The following MREG variants were observed in gnomAD, a reference collection of about 807,000 sequenced individuals.
The protein encoded by MREG is melanoregulin.
In MREG, 31 loss-of-function variants were observed where a neutral mutation model predicts 28.5. The ratio of observed to expected loss-of-function variants is 1.09; its 90% CI spans 0.82 to 1.47. The LOEUF is 1.47. MREG is among the 40% of genes most tolerant of loss of function. The probability of loss-of-function intolerance (pLI) is 0.00; values close to 1 mark genes in which losing one functional copy is unlikely to be tolerated. For synonymous variants in MREG, 106 were observed against 95.2 expected (o/e 1.11, Z -0.66); for missense variants, 256 against 257.4 (o/e 0.99, Z 0.04).
upstream of MREG, among the ~76,000 whole-genome samples, chr2:216,015,356 T>C (rs900190300): frequency 6.6e-6 from 1 of 151,934 alleles, no homozygotes; most frequent in African/African-American, 2.4e-5. Flanking sequence ...GGAGTGAATA[T>C]GGGCAAAACC....
chr2:215,939,352 G>C (rs1249321996), downstream of MREG: 3 of 152,148 alleles, frequency 2.0e-5, no homozygotes, highest in Non-Finnish European at 4.4e-5. Flanking sequence ...CTTGTGACCA[G>C]GTGGCGTGTT....
intron 2 of MREG, among the ~76,000 whole-genome samples, chr2:215,994,080 A>T (rs1693793361): frequency 6.6e-6 from 1 of 152,024 alleles, no homozygotes; most frequent in African/African-American, 2.4e-5. Context: ...CCAAAGGATT[A>T]TAAATCATTC....
At position 215,995,531 on chromosome 2, in the gene MREG, A is replaced by T. The variant is rs1332687934; in HGVS notation, c.255+775T>A. On this transcript the variant is annotated intron_variant, in intron 2 of 4. Transcript: ENST00000263268. Reference sequence around the variant, plus strand: ...CCCACCCCCCGCCACCAATATACACACTAAACCCAACTATAAGTTTCCCTA... The same window carrying T: ...CCCACCCCCCGCCACCAATATACACTCTAAACCCAACTATAAGTTTCCCTA... Among the ~76,000 whole-genome samples the T allele has an allele frequency of 3.0e-5, 4 of 132,396 alleles. No individual in the cohort carries two copies. The East Asian group carries it at 8.9e-4, about 29-fold the overall frequency. 86.9% of individuals were successfully genotyped at this position (132,396 alleles called of 152,430 possible).
intron 2 of MREG, among the ~76,000 whole-genome samples, chr2:215,979,984 A>AAC (rs1553551049): frequency 6.7e-6 from 1 of 149,720 alleles, no homozygotes; most frequent in African/African-American, 2.5e-5. Context: ...CAAACAAAAA[A>AAC]AAAAAACAAA....
At chr2:216,001,338 C>T (rs1694008554) in intron 1 of MREG, among the ~76,000 whole-genome samples, 1 of 152,176 alleles carries the variant, frequency 6.6e-6, no homozygotes, top group African/African-American at 2.4e-5. Flanking sequence ...CAGTATTCCC[C>T]TAACAAGCCT....
At chr2:215,997,918 T>A (rs969197418) in intron 1 of MREG, among the ~76,000 whole-genome samples, 2 of 152,172 alleles carry the variant, frequency 1.3e-5, no homozygotes, top group Non-Finnish European at 2.9e-5. Flanking sequence ...GTCCCCAGAT[T>A]GGGGTTCAGC....
upstream of MREG, among the ~76,000 whole-genome samples, chr2:216,033,292 AAAT>A (rs764086802): frequency 9.2e-5 from 14 of 152,148 alleles, no homozygotes; most frequent in Non-Finnish European, 1.9e-4. Context: ...CTTAAATAAA[AAAT>A]AATAACAACT....
rs149846947 is a variant in MREG at position 216,002,501 on chromosome 2, G to A, written c.96-6036C>T. Among the ~76,000 whole-genome samples the A allele has an allele frequency of 6.8e-3, 1,041 of 152,310 alleles. 5 individuals carry two copies. The highest frequency in any genetic ancestry group is 0.024 in the African/African-American group (985 of 41,552). ...TCTCCCCACAGGCCATGTGGCAGTG[G>A]CCACTAGCTTAAGACTGAAACTCTG... is the stretch of plus-strand genomic sequence containing the variant. On this transcript the variant is annotated intron_variant, in intron 1 of 4. Coordinates refer to ENST00000263268, the MANE Select transcript of MREG (RefSeq NM_018000.3).
chr2:215,966,409 C>T (rs1239150987), intron 2 of MREG, among the ~76,000 whole-genome samples: 2 of 152,040 alleles, frequency 1.3e-5, no homozygotes, highest in African/African-American at 4.8e-5. Context: ...TTTTTTAAGA[C>T]TTACAGCCAC....
At chr2:216,022,112 T>C (rs1166080229) in intron 1 of MREG, among the ~76,000 whole-genome samples, 1 of 152,016 alleles carries the variant, frequency 6.6e-6, no homozygotes, top group East Asian at 1.9e-4. Flanking sequence ...CTGGGTGTGG[T>C]GGCTGGCTGG....
chr2:216,030,956 TCA>T (rs1219074422), intron 1 of MREG, among the ~76,000 whole-genome samples: 1,412 of 113,310 alleles, frequency 0.012, 8 homozygotes, highest in Non-Finnish European at 0.016. Context: ...TCTCTCTCTC[TCA>T]CACACACACA....
rs77577807 is a variant in MREG at position 216,010,054 on chromosome 2, T to A, written c.95+3179A>T. ...GAAAACAAGGTCTTTGCAGATGTAA[T>A]TAAGTCAAGGATCTTGAGATGAAAT... On this transcript the variant is annotated intron_variant, in intron 1 of 4. Transcript: ENST00000263268. Among the ~76,000 whole-genome samples the A allele has an allele frequency of 8.1e-3, 1,241 of 152,292 alleles. 15 individuals are homozygous for A. Among genetic ancestry groups the A allele is most frequent in the Admixed American group, 0.026 (392 of 15,296 alleles).
intron 4 of MREG, 71 bp downstream of exon 4, chr2:215,945,499 GA>G: frequency 2.6e-6 from 4 of 1,531,700 alleles, no homozygotes; most frequent in Non-Finnish European, 3.5e-6. Context: ...GAATACGGAG[GA>G]TAGTGAATAG....
At chr2:216,027,932 A>C (rs1286783267) in intron 1 of MREG, among the ~76,000 whole-genome samples, 1 of 152,226 alleles carries the variant, frequency 6.6e-6, no homozygotes, top group Non-Finnish European at 1.5e-5. Context: ...AAATTTCAAA[A>C]TACACTTAAA....
At chr2:216,001,640 CT>C (rs1056948685) in intron 1 of MREG, among the ~76,000 whole-genome samples, 1 of 152,170 alleles carries the variant, frequency 6.6e-6, no homozygotes, top group African/African-American at 2.4e-5. Context: ...AAACAAAGAA[CT>C]TTTTTCAAAA....
intron 2 of MREG, among the ~76,000 whole-genome samples, chr2:215,967,382 T>C (rs749761577): frequency 6.6e-6 from 1 of 152,140 alleles, no homozygotes; most frequent in Non-Finnish European, 1.5e-5. Context: ...TATTTGAAAA[T>C]TATAGTGCAT....
intron 2 of MREG, among the ~76,000 whole-genome samples, chr2:215,960,661 C>G (rs1480237300): frequency 1.3e-5 from 2 of 151,824 alleles, no homozygotes; most frequent in Admixed American, 6.6e-5. Flanking sequence ...TGGTGAAACC[C>G]CGTCTCTACT....
At chr2:216,009,089 C>T (rs1266852521) in intron 1 of MREG, among the ~76,000 whole-genome samples, 2 of 152,080 alleles carry the variant, frequency 1.3e-5, no homozygotes, top group African/African-American at 4.8e-5. Flanking sequence ...AGGGGAAATA[C>T]AGAGTTAGGT....
chr2:215,949,075 C>CTAATAA lies in MREG; in HGVS notation c.256-1963_256-1962insTTATTA, dbSNP rs749047005. Among the ~76,000 whole-genome samples the CTAATAA allele has an allele frequency of 4.6e-3, 475 of 102,422 alleles. 7 individuals are homozygous for CTAATAA. Among genetic ancestry groups the CTAATAA allele is most frequent in the East Asian group, 0.042 (157 of 3,702 alleles). The allele number at this position is 102,422 out of a possible 152,430, so 67.2% of individuals were successfully genotyped here. The stretch of plus-strand genomic sequence containing the variant: ...ACTACTACTACTACTACTACTACTA[C>CTAATAA]TACTACTACTACTAATAATAATAAT... On this transcript the variant is annotated intron_variant, in intron 2 of 4. Transcript: ENST00000263268.
Sources: gnomAD v4.1 joint callset for allele counts (sites outside exome capture counted in the v4.1 genomes callset) on GRCh38, gnomAD v4.1.1 for gene constraint, MANE v1.5 for transcripts, NCBI Gene and HGNC (gene_info 2026-07-23, HGNC 2026-07-21) for gene names.